Variants in NT5E observed in about 807,000 individuals in gnomAD.
The protein encoded by NT5E is 5'-nucleotidase ecto.
NT5E carries 53 observed loss-of-function variants against 55.1 expected under a neutral mutation model. The ratio of observed to expected loss-of-function variants is 0.96; its 90% CI spans 0.77 to 1.21. NT5E has a LOEUF of 1.21. Ranked by LOEUF, NT5E falls within the 50% of genes most tolerant of loss-of-function variation. NT5E has a pLI of 0.00. For missense variants in NT5E, 683 were observed against 724.3 expected (o/e 0.94, Z 0.65); for synonymous variants, 270 against 278.4 (o/e 0.97, Z 0.30).
In NT5E at chr6:85,494,817, A is replaced by C. The variant is rs1769857523; in HGVS notation, c.*813A>C. 1 of 152,420 alleles carries C rather than the reference A, an allele frequency of 6.6e-6. No homozygotes were observed. Among genetic ancestry groups the C allele is most frequent in the East Asian group, 1.9e-4 (1 of 5,192 alleles). 9.4% of individuals were successfully genotyped at this position (152,420 alleles called of 1,614,324 possible). On this transcript the variant is annotated 3_prime_UTR_variant, in exon 9 of 9. Transcript: ENST00000257770. ...AAGACAGTCAAAGGACACGAGAGAAAGGAAGGGGAAGAACAGGACTCCAGG... is the reference window on the plus strand; with the variant it reads ...AAGACAGTCAAAGGACACGAGAGAACGGAAGGGGAAGAACAGGACTCCAGG...
intron 3 of NT5E, among the ~76,000 whole-genome samples, chr6:85,474,387 C>T (rs1295307106): frequency 2.6e-5 from 4 of 152,162 alleles, no homozygotes; most frequent in Non-Finnish European, 5.9e-5. Context: ...AGACAGCCAA[C>T]TGTATGTGCC....
rs774728127 is a variant in NT5E at position 85,493,860 on chromosome 6, G to A, written c.1581G>A (p.Val527=). The A allele has an allele frequency of 2.5e-6, 4 of 1,613,704 alleles. No homozygotes were observed. Among genetic ancestry groups the A allele is most frequent in the East Asian group, 2.2e-5 (1 of 44,846 alleles). ...RHDSGDQDIN[V]VSTYISKMKV... is the part of the protein sequence containing the mutation. ...TTCTAGGTGACCAAGATATCAACGT[G>A]GTTTCTACATATATCTCCAAAATGA... is the stretch of plus-strand genomic sequence containing the variant. The change falls in exon 9 of 9, where the codon GTG becomes GTA. Residue 527 remains valine, a synonymous_variant. Coordinates refer to ENST00000257770, the MANE Select transcript of NT5E (RefSeq NM_002526.4).
intron 3 of NT5E, among the ~76,000 whole-genome samples, chr6:85,483,632 T>A (rs1482663970): frequency 6.6e-6 from 1 of 152,220 alleles, no homozygotes; most frequent in Non-Finnish European, 1.5e-5. Flanking sequence ...CAACAACTAT[T>A]TCCTGCTTGT....
chr6:85,456,605 A>G (rs1196022998), intron 1 of NT5E, among the ~76,000 whole-genome samples: 1 of 152,182 alleles, frequency 6.6e-6, no homozygotes, highest in African/African-American at 2.4e-5. Context: ...CCAGCTACAT[A>G]GGGAAATCAC....
At position 85,486,755 on chromosome 6, in the gene NT5E, A is replaced by G. The variant is rs140404844; in HGVS notation, c.950-580A>G. Among the ~76,000 whole-genome samples, 4 of 152,338 alleles carry G rather than the reference A, an allele frequency of 2.6e-5. No homozygotes were observed. In the South Asian group the frequency reaches 6.2e-4, roughly 24 times the overall value. Reference sequence around the variant, plus strand: ...GCATTTCATCTTTTATTCCGTAGCAATAGTTTCAGGGCGTCTCCCTACATG... The same window carrying G: ...GCATTTCATCTTTTATTCCGTAGCAGTAGTTTCAGGGCGTCTCCCTACATG... On this transcript the variant is annotated intron_variant, in intron 4 of 8. Coordinates refer to ENST00000257770, the MANE Select transcript of NT5E (RefSeq NM_002526.4).
chr6:85,460,900 C>T (rs1769087772), intron 1 of NT5E, among the ~76,000 whole-genome samples: 1 of 152,162 alleles, frequency 6.6e-6, no homozygotes, highest in African/African-American at 2.4e-5. Flanking sequence ...GCATTGTCTG[C>T]AGGAGGAAAC....
intron 2 of NT5E, among the ~76,000 whole-genome samples, chr6:85,470,339 A>C: frequency 6.6e-6 from 1 of 152,244 alleles, no homozygotes; most frequent in East Asian, 1.9e-4. Flanking sequence ...CACTATGTGC[A>C]GTAATAAGCA....
intron 3 of NT5E, among the ~76,000 whole-genome samples, chr6:85,481,131 CAACA>C (rs1051779651): frequency 3.3e-5 from 5 of 152,176 alleles, no homozygotes; most frequent in African/African-American, 1.2e-4. Flanking sequence ...AGTTGTCATT[CAACA>C]AACATTTATC....
In NT5E at chr6:85,467,127, A is replaced by C; in HGVS notation, c.407A>C (p.Lys136Thr). The change falls in exon 2 of 9, where the codon AAA (lysine) becomes ACA (threonine). Residue 136 changes from lysine to threonine, a missense_variant. Coordinates refer to ENST00000257770, the MANE Select transcript of NT5E (RefSeq NM_002526.4). ...GLIEPLLKEA[K>T]FPILSANIKA... ...ATCGAGCCACTCCTCAAAGAGGCCAAATTTCCAATTCTGAGTGCAAACATT... is the reference window on the plus strand; with the variant it reads ...ATCGAGCCACTCCTCAAAGAGGCCACATTTCCAATTCTGAGTGCAAACATT... The C allele has an allele frequency of 1.2e-6, 2 of 1,614,162 alleles. No individual in the cohort carries two copies. Among genetic ancestry groups the C allele is most frequent in the Non-Finnish European group, 1.7e-6 (2 of 1,180,032 alleles).
At chr6:85,465,879 G>C (rs1769183000) in intron 1 of NT5E, among the ~76,000 whole-genome samples, 1 of 152,230 alleles carries the variant, frequency 6.6e-6, no homozygotes, top group Non-Finnish European at 1.5e-5. Context: ...CTGTAAGAGA[G>C]TGCACAGGCC....
chr6:85,457,916 G>A (rs1001280207), intron 1 of NT5E, among the ~76,000 whole-genome samples: 5 of 152,158 alleles, frequency 3.3e-5, no homozygotes, highest in African/African-American at 1.2e-4. Context: ...AGGTTAAACA[G>A]CAAAGCAAAA....
intron 8 of NT5E, among the ~76,000 whole-genome samples, 153 bp downstream of exon 8, chr6:85,492,330 G>C (rs1049659490): frequency 4.6e-5 from 7 of 152,200 alleles, no homozygotes; most frequent in Non-Finnish European, 8.8e-5. Flanking sequence ...GCACAGCAGA[G>C]AGGAATATGT....
chr6:85,480,567 G>A (rs749981518), intron 3 of NT5E, among the ~76,000 whole-genome samples: 1 of 152,156 alleles, frequency 6.6e-6, no homozygotes, highest in Non-Finnish European at 1.5e-5. Flanking sequence ...CAGCAGCCAG[G>A]CCTGACTGGA....
At chr6:85,491,248 G>T in intron 7 of NT5E, 1 of 357,040 alleles carries the variant, frequency 2.8e-6, no homozygotes. Flanking sequence ...ATTGCCAAGG[G>T]CTTCTGAAAC....
rs1157754067 is a variant in NT5E at position 85,494,480 on chromosome 6, A to G, written c.*476A>G. On this transcript the variant is annotated 3_prime_UTR_variant, in exon 9 of 9. Coordinates refer to ENST00000257770, the MANE Select transcript of NT5E (RefSeq NM_002526.4). Reference sequence around the variant, plus strand: ...GCTCAAAAAGGGTTGACTTGACCATACAGCTAATGCTGACAGATCCAAGAC... The same window carrying G: ...GCTCAAAAAGGGTTGACTTGACCATGCAGCTAATGCTGACAGATCCAAGAC... The G allele has an allele frequency of 5.4e-6, 1 of 183,510 alleles. No homozygotes were observed. The highest frequency in any genetic ancestry group is 1.5e-4 in the East Asian group (1 of 6,760). 11.4% of individuals were successfully genotyped at this position (183,510 alleles called of 1,614,324 possible). A position where few individuals can be genotyped will look rare whatever the true frequency, so the allele number is the denominator to read the frequency against.
At position 85,450,228 on chromosome 6, in the gene NT5E, C is replaced by A; in HGVS notation, c.89C>A (p.Thr30Lys). 2 of 1,609,966 alleles carry A rather than the reference C, an allele frequency of 1.2e-6. No homozygotes were observed. The highest frequency in any genetic ancestry group is 1.7e-6 in the Non-Finnish European group (2 of 1,179,230). The change falls in exon 1 of 9, where the codon ACG becomes AAG. Residue 30 changes from threonine to lysine, a missense_variant. Transcript: ENST00000257770. This position sits in a 1 kb window ranked among gnomAD's most constrained non-coding sequence, Gnocchi z 4.0. ...LWPAAGAWEL[T>K]ILHTNDVHSR... Reference sequence around the variant, plus strand: ...CCTGCGGCTGGCGCCTGGGAGCTTACGATTTTGCACACCAACGACGTGCAC... The same window carrying A: ...CCTGCGGCTGGCGCCTGGGAGCTTAAGATTTTGCACACCAACGACGTGCAC...
intron 1 of NT5E, among the ~76,000 whole-genome samples, chr6:85,456,736 A>C (rs1041985365): frequency 1.3e-5 from 2 of 152,198 alleles, no homozygotes; most frequent in African/African-American, 2.4e-5. Flanking sequence ...GTAATTGAGG[A>C]GACCAAATCC....
At chr6:85,465,648 C>T (rs1769178817) in intron 1 of NT5E, among the ~76,000 whole-genome samples, 1 of 152,216 alleles carries the variant, frequency 6.6e-6, no homozygotes, top group African/African-American at 2.4e-5. Context: ...TGTGCTTTCT[C>T]TGCACAAACA....
intron 1 of NT5E, among the ~76,000 whole-genome samples, chr6:85,459,877 A>G (rs143685458): frequency 6.6e-6 from 1 of 152,348 alleles, no homozygotes; most frequent in African/African-American, 2.4e-5. Context: ...ATCAACGATC[A>G]AAGAATGAAG....
Sources: gnomAD v4.1 joint callset for allele counts (sites outside exome capture counted in the v4.1 genomes callset) on GRCh38, gnomAD v4.1.1 for gene constraint, Gnocchi (gnomAD v3.1) non-coding constraint, MANE v1.5 for transcripts, NCBI Gene and HGNC (gene_info 2026-07-23, HGNC 2026-07-21) for gene names.